Variants in MED13L observed in about 807,000 individuals in gnomAD.
MED13L encodes the protein mediator complex subunit 13L.
Under a neutral mutation model 220.9 loss-of-function variants are expected in MED13L, and 7 were observed. The observed-to-expected ratio is 0.03, with a 90% CI of 0.02 to 0.06. The LOEUF is 0.06. Among genes scored for constraint, MED13L ranks in the 10% least tolerant of loss-of-function variants. The pLI is 1.00. For missense variants in MED13L, 1,965 were observed against 2,760.5 expected, an observed-to-expected ratio of 0.71 and a Z score of 6.46; for synonymous variants, 1,011 against 1,015.2, an observed-to-expected ratio of 1.00 and a Z score of 0.08.
chr12:116,140,444 T>C (rs1211352738), intron 2 of MED13L, among the ~76,000 whole-genome samples: 1 of 152,170 alleles, frequency 6.6e-6, no homozygotes, highest in Non-Finnish European at 1.5e-5. Flanking sequence ...AGAGCTCTAG[T>C]TACACAGTGA....
intron 16 of MED13L, among the ~76,000 whole-genome samples, chr12:115,992,997 A>T: frequency 6.6e-6 from 1 of 151,992 alleles, no homozygotes; most frequent in South Asian, 2.1e-4. Flanking sequence ...ATAAAAATAC[A>T]ATTAAAAAAA....
At chr12:116,249,877 T>TCTAAC (rs1871369167) in intron 1 of MED13L, among the ~76,000 whole-genome samples, 3 of 149,786 alleles carry the variant, frequency 2.0e-5, no homozygotes, top group South Asian at 4.2e-4. Flanking sequence ...TATCAGGCAA[T>TCTAAC]CTAACATACA....
chr12:116,061,004 T>C (rs1869427738), intron 4 of MED13L, among the ~76,000 whole-genome samples: 1 of 152,192 alleles, frequency 6.6e-6, no homozygotes, highest in South Asian at 2.1e-4. Flanking sequence ...TCTCCTGCCT[T>C]CTTCTCCTCC....
rs749145026 is a variant in MED13L at position 116,007,585 on chromosome 12, G to C, written c.2064C>G (p.Pro688=). ...KRFKIWQDKQ[P]QLQPLHFLDP... is the part of the protein sequence containing the mutation. ...CAAGGAAGTGGAGTGGCTGCAACTG[G>C]GGCTGTTTGTCTTGCCAGATTTTAA... The change falls in exon 11 of 31, where the codon CCC becomes CCG. Residue 688 remains proline, a synonymous_variant. Transcript: ENST00000281928. 9 of 1,612,610 alleles carry C rather than the reference G, an allele frequency of 5.6e-6. No individual in the cohort carries two copies. Among genetic ancestry groups the C allele is most frequent in the East Asian group, 2.2e-5 (1 of 44,840 alleles).
intron 4 of MED13L, among the ~76,000 whole-genome samples, chr12:116,058,878 T>C (rs1165138742): frequency 6.6e-6 from 1 of 152,210 alleles, no homozygotes; most frequent in Non-Finnish European, 1.5e-5. Flanking sequence ...CTCACGACTA[T>C]ATATGTAAAA....
intron 2 of MED13L, among the ~76,000 whole-genome samples, chr12:116,178,663 CA>C (rs1396899021): frequency 6.6e-6 from 1 of 152,220 alleles, no homozygotes; most frequent in Non-Finnish European, 1.5e-5. Flanking sequence ...CTTCACCTCA[CA>C]GTAAAGAATT....
intron 2 of MED13L, among the ~76,000 whole-genome samples, chr12:116,204,073 A>G (rs975957578): frequency 2.6e-5 from 4 of 152,342 alleles, no homozygotes; most frequent in Admixed American, 6.5e-5. Flanking sequence ...AGTGGTGGGC[A>G]TACCACAATA....
At chr12:115,978,150 T>C (rs1877074567) in intron 23 of MED13L, among the ~76,000 whole-genome samples, 1 of 152,030 alleles carries the variant, frequency 6.6e-6, no homozygotes, top group Non-Finnish European at 1.5e-5. Context: ...GGCAGCTCCA[T>C]AGAGACAGCA....
At chr12:116,085,750 TCACTCACACACACA>T (rs1161081806) in intron 4 of MED13L, among the ~76,000 whole-genome samples, 1 of 100,060 alleles carries the variant, frequency 1.0e-5, no homozygotes, top group Non-Finnish European at 2.0e-5. Flanking sequence ...AAGATTAAAA[TCACTCACACACACA>T]CACACACACA....
At chr12:116,227,288 G>A (rs1869100139) in intron 2 of MED13L, among the ~76,000 whole-genome samples, 1 of 152,158 alleles carries the variant, frequency 6.6e-6, no homozygotes, top group African/African-American at 2.4e-5. Flanking sequence ...GGGTAAAGAA[G>A]ATCTCTAACG....
chr12:116,060,787 C>T (rs970864407), intron 4 of MED13L, among the ~76,000 whole-genome samples: 1 of 151,894 alleles, frequency 6.6e-6, no homozygotes, highest in African/African-American at 2.4e-5. Context: ...ATTTTAGGTT[C>T]AACTATTATC....
At chr12:115,971,323 C>G (rs898444340) in intron 26 of MED13L, among the ~76,000 whole-genome samples, 13 of 152,122 alleles carry the variant, frequency 8.5e-5, no homozygotes, top group African/African-American at 3.1e-4. Flanking sequence ...GTAGCGGCAA[C>G]AGAGGTAACC....
chr12:116,035,929 C>A lies in MED13L; in HGVS notation c.480-13328G>T, dbSNP rs533248269. 1.5e-3 allele frequency among the ~76,000 whole-genome samples: 229 copies of A among 152,232 alleles called. 2 individuals are homozygous for A. The highest frequency in any genetic ancestry group is 5.2e-3 in the African/African-American group (217 of 41,538). ...ATTTGTTTTCACTCTATCCTTCCAA[C>A]TTCATCTCTCACTATTTTAATTTAT... On this transcript the variant is annotated intron_variant, in intron 4 of 30. Transcript: ENST00000281928.
chr12:116,001,456 C>T (rs975070447), intron 14 of MED13L, among the ~76,000 whole-genome samples: 3 of 152,172 alleles, frequency 2.0e-5, no homozygotes, highest in Non-Finnish European at 2.9e-5. Context: ...CTTGGGCTCC[C>T]AAAGTGCTGG....
chr12:116,012,139 G>A (rs570397694), intron 9 of MED13L, among the ~76,000 whole-genome samples: 1 of 152,328 alleles, frequency 6.6e-6, no homozygotes, highest in Non-Finnish European at 1.5e-5. Context: ...ACTGTCAAAT[G>A]AGCTGGGGGT....
At chr12:116,040,453 C>T (rs559389362) in intron 4 of MED13L, among the ~76,000 whole-genome samples, 2 of 152,154 alleles carry the variant, frequency 1.3e-5, no homozygotes, top group Non-Finnish European at 2.9e-5. Flanking sequence ...AATAATCACA[C>T]AATCTATTTT....
At chr12:116,106,099 A>C (rs1282371882) in intron 3 of MED13L, among the ~76,000 whole-genome samples, 2 of 152,234 alleles carry the variant, frequency 1.3e-5, no homozygotes, top group Admixed American at 1.3e-4. Flanking sequence ...ATGAACATGC[A>C]ACATGAGCAT....
At chr12:115,978,236 G>A (rs1033362831) in intron 23 of MED13L, among the ~76,000 whole-genome samples, 1 of 151,972 alleles carries the variant, frequency 6.6e-6, no homozygotes, top group African/African-American at 2.4e-5. Flanking sequence ...TTCTTTGAGG[G>A]TTGATGAAAA....
At chr12:116,084,690 C>T (rs1871492140) in intron 4 of MED13L, among the ~76,000 whole-genome samples, 2 of 151,430 alleles carry the variant, frequency 1.3e-5, no homozygotes. Flanking sequence ...GAGGCTGAAG[C>T]AGGACAATTG....
Sources: allele counts gnomAD v4.1 joint callset (sites outside exome capture counted in the v4.1 genomes callset), GRCh38; gene constraint gnomAD v4.1.1; transcripts MANE v1.5; gene names NCBI Gene and HGNC (gene_info 2026-07-23, HGNC 2026-07-21).